The following IL4 variants were observed in gnomAD, a reference collection of about 807,000 sequenced individuals.
IL4 encodes interleukin 4.
IL4 carries 10 observed loss-of-function variants against 17.4 expected under a neutral mutation model. The ratio of observed to expected loss-of-function variants is 0.57; its 90% CI spans 0.35 to 0.97. The LOEUF (loss-of-function observed/expected upper bound fraction) is 0.97, where lower values mean the gene tolerates loss of function less well. Among genes scored for constraint, IL4 ranks in the 50% least tolerant of loss-of-function variants. The pLI is 0.01. For synonymous variants in IL4, 87 were observed against 79.0 expected (o/e 1.10, Z -0.54); for missense variants, 174 against 187.7 (o/e 0.93, Z 0.43).
intron 2 of IL4, among the ~76,000 whole-genome samples, chr5:132,675,793 G>A (rs750667061): frequency 1.2e-4 from 18 of 151,680 alleles, no homozygotes; most frequent in Middle Eastern, 3.2e-3. Context: ...CAAGCAATCC[G>A]TCCACCTCGG....
rs1299491031 is a variant in IL4, at chr5:132,680,290, A to T, written c.360+400A>T. Among the ~76,000 whole-genome samples the T allele has an allele frequency of 6.6e-6, 1 of 152,172 alleles. No individual in the cohort carries two copies. The highest frequency in any genetic ancestry group is 1.5e-5 in the Non-Finnish European group (1 of 68,030). On this transcript the variant is annotated intron_variant, in intron 3 of 3. Transcript: ENST00000231449. This position sits in a 1 kb window ranked among gnomAD's most constrained non-coding sequence, Gnocchi z 4.3. ...ATTGAGGGAGCAGGCCACATGACTA[A>T]CTAGGGAGACCATTCCAGGCAGAAG...
chr5:132,673,994 T>C lies in IL4; in HGVS notation c.-57T>C. ...GATATCTTTGTCAGCATTGCATCGTTAGCTTCTCCTGATAAACTAATTGCC... is the reference window on the plus strand; with the variant it reads ...GATATCTTTGTCAGCATTGCATCGTCAGCTTCTCCTGATAAACTAATTGCC... On this transcript the variant is annotated 5_prime_UTR_variant, in exon 1 of 4. Transcript: ENST00000231449. 1 of 1,540,712 alleles carries C rather than the reference T, an allele frequency of 6.5e-7. No individual in the cohort carries two copies. The highest frequency in any genetic ancestry group is 1.4e-5 in the African/African-American group (1 of 73,006).
chr5:132,678,867 G>T (rs531593848), intron 2 of IL4, among the ~76,000 whole-genome samples: 59 of 152,340 alleles, frequency 3.9e-4, no homozygotes, highest in African/African-American at 1.2e-3. Context: ...CCCTCTCCTG[G>T]GTTCCCAATG....
chr5:132,681,673 A>AAAGAGG (rs1243509169), intron 3 of IL4, among the ~76,000 whole-genome samples: 1 of 152,172 alleles, frequency 6.6e-6, no homozygotes, highest in East Asian at 1.9e-4. Flanking sequence ...AAGAGAGCAG[A>AAAGAGG]AAGAGGAAGA....
At chr5:132,679,140 G>A (rs2243274) in intron 2 of IL4, among the ~76,000 whole-genome samples, 51,250 of 152,072 alleles carry the variant, frequency 0.34, 12,080 homozygotes, top group East Asian at 0.77. Flanking sequence ...CCTCACTTGG[G>A]CCATGTGCTG....
intron 1 of IL4, 115 bp from the exon 2 acceptor site, chr5:132,674,344 A>T (rs1420643207): frequency 8.1e-6 from 11 of 1,357,560 alleles, no homozygotes; most frequent in Admixed American, 1.8e-5. Flanking sequence ...CTTTTTTCTG[A>T]GGGTTTGTAG....
At position 132,677,229 on chromosome 5, in the gene IL4, G is replaced by A. The variant is rs185236541; in HGVS notation, c.184-2485G>A. ...TCCTCAGTGAGGCTGGTCAAGAACC[G>A]AGTTAGAACTCTCACAGAGTCACTG... On this transcript the variant is annotated intron_variant, in intron 2 of 3. Transcript: ENST00000231449. Among the ~76,000 whole-genome samples the A allele has an allele frequency of 8.4e-4, 128 of 152,318 alleles. 1 individual carries two copies. The highest frequency in any genetic ancestry group is 2.8e-3 in the African/African-American group (117 of 41,574).
chr5:132,674,609 C>T (rs769423531), intron 2 of IL4, 103 bp downstream of exon 2: 1 of 881,956 alleles, frequency 1.1e-6, no homozygotes, highest in Non-Finnish European at 1.9e-6. Flanking sequence ...CCCAAATTAA[C>T]TCTAAGGTGT....
Position 132,674,185 on chromosome 5 carries a change from GGTGA to G in IL4, c.135+3_135+6del. 1 of 1,613,932 alleles carries G rather than the reference GGTGA, an allele frequency of 6.2e-7. No homozygotes were observed. The highest frequency in any genetic ancestry group is 8.5e-7 in the Non-Finnish European group (1 of 1,179,816). ...CTTTGAACAGCCTCACAGAGCAGAAGGTGAGTACCTATCTGGCACCATCTCTCCA... is the reference window on the plus strand; with the variant it reads ...CTTTGAACAGCCTCACAGAGCAGAAGGTACCTATCTGGCACCATCTCTCCA... On this transcript the variant is annotated splice_donor_variant and splice_donor_region_variant and intron_variant, in intron 1 of 3. Transcript: ENST00000231449. LOFTEE classifies it high-confidence loss of function.
At chr5:132,677,215 G>T (rs1324218356) in intron 2 of IL4, among the ~76,000 whole-genome samples, 1 of 152,222 alleles carries the variant, frequency 6.6e-6, no homozygotes, top group Non-Finnish European at 1.5e-5. Flanking sequence ...CCTCAGTGAG[G>T]CTGGTCAAGA....
rs772721636 is a variant in IL4 at position 132,674,132 on chromosome 5, G to C, written c.82G>C (p.Asp28His). The change falls in exon 1 of 4, where the codon GAT (aspartate) becomes CAT (histidine). Residue 28 changes from aspartate (D) to histidine (H), a missense_variant. Transcript: ENST00000231449. ...CAACTTTGTCCACGGACACAAGTGC[G>C]ATATCACCTTACAGGAGATCATCAA... ...AGNFVHGHKCDITLQEIIKTL... is the reference protein window; with the variant it reads ...AGNFVHGHKCHITLQEIIKTL... 7 of 1,614,050 alleles carry C rather than the reference G, an allele frequency of 4.3e-6. No homozygotes were observed. The highest frequency in any genetic ancestry group is 5.1e-6 in the Non-Finnish European group (6 of 1,179,946).
chr5:132,674,133 A>G lies in IL4; in HGVS notation c.83A>G (p.Asp28Gly), dbSNP rs770646815. Residue 28 changes from aspartate to glycine, a missense_variant, in exon 1 of 4, where the codon GAT (aspartate) becomes GGT (glycine). Physicochemically the swap from Asp to Gly is moderately conservative, Grantham distance 94. Coordinates refer to ENST00000231449, the MANE Select transcript of IL4 (RefSeq NM_000589.4). ...AGNFVHGHKC[D>G]ITLQEIIKTL... ...AACTTTGTCCACGGACACAAGTGCG[A>G]TATCACCTTACAGGAGATCATCAAA... 2.5e-6 allele frequency: 4 copies of G among 1,614,048 alleles called. No homozygotes were observed. Among genetic ancestry groups the G allele is most frequent in the African/African-American group, 2.7e-5 (2 of 74,918 alleles).
At position 132,674,025 on chromosome 5, in the gene IL4, T is replaced by C. The variant is rs202008069; in HGVS notation, c.-26T>C. On this transcript the variant is annotated 5_prime_UTR_variant, in exon 1 of 4. Coordinates refer to ENST00000231449, the MANE Select transcript of IL4 (RefSeq NM_000589.4). ...CTCCTGATAAACTAATTGCCTCACA[T>C]TGTCACTGCAAATCGACACCTATTA... is the stretch of plus-strand genomic sequence containing the variant. 5.0e-6 allele frequency: 8 copies of C among 1,611,188 alleles called. No homozygotes were observed. Among genetic ancestry groups the C allele is most frequent in the South Asian group, 1.1e-5 (1 of 90,984 alleles).
chr5:132,677,138 T>G (rs1000533509), intron 2 of IL4, among the ~76,000 whole-genome samples: 2 of 152,242 alleles, frequency 1.3e-5, no homozygotes, highest in African/African-American at 4.8e-5. Context: ...TATACAGCAC[T>G]AGCTGACTAT....
rs1374299288 is a variant in IL4, at chr5:132,674,083, G to T, written c.33G>T (p.Leu11=). ...TCACCTCCCAACTGCTTCCCCCTCT[G>T]TTCTTCCTGCTAGCATGTGCCGGCA... The part of the protein sequence containing the change: MGLTSQLLPP[L]FFLLACAGNF... Residue 11 remains leucine (L), a synonymous_variant, in exon 1 of 4, where the codon CTG becomes CTT. Coordinates refer to ENST00000231449, the MANE Select transcript of IL4 (RefSeq NM_000589.4). The T allele has an allele frequency of 6.2e-7, 1 of 1,614,120 alleles. No individual in the cohort carries two copies.
At chr5:132,678,758 A>G (rs1278511236) in intron 2 of IL4, among the ~76,000 whole-genome samples, 1 of 152,186 alleles carries the variant, frequency 6.6e-6, no homozygotes, top group Admixed American at 6.5e-5. Context: ...TGGATAAAGG[A>G]ACTGGGCTCA....
Position 132,679,851 on chromosome 5 carries a change from G to C in IL4, c.321G>C (p.Leu107=). ...FHRHKQLIRF[L]KRLDRNLWGL... ...GGCACAAGCAGCTGATCCGATTCCT[G>C]AAACGGCTCGACAGGAACCTCTGGG... Residue 107 remains leucine (L), a synonymous_variant, in exon 3 of 4, where the codon CTG becomes CTC. Transcript: ENST00000231449. 1 of 1,613,814 alleles carries C rather than the reference G, an allele frequency of 6.2e-7. No homozygotes were observed. The highest frequency in any genetic ancestry group is 8.5e-7 in the Non-Finnish European group (1 of 1,179,932).
intron 2 of IL4, among the ~76,000 whole-genome samples, chr5:132,678,748 T>G (rs532326563): frequency 5.3e-5 from 8 of 152,196 alleles, no homozygotes; most frequent in Non-Finnish European, 8.8e-5. Context: ...TTATCTGAAC[T>G]GGATAAAGGA....
chr5:132,680,238 G>T lies in IL4; in HGVS notation c.360+348G>T, dbSNP rs181905743. Among the ~76,000 whole-genome samples, 201 of 152,288 alleles carry T rather than the reference G, an allele frequency of 1.3e-3. No individual in the cohort carries two copies. Among genetic ancestry groups the T allele is most frequent in the Non-Finnish European group, 2.5e-3 (169 of 68,032 alleles). ...GGGGGAGGGGGCTGACTTAGGAGCTGGTGACATTATCTGAGCAGATATTTG... is the reference window on the plus strand; with the variant it reads ...GGGGGAGGGGGCTGACTTAGGAGCTTGTGACATTATCTGAGCAGATATTTG... On this transcript the variant is annotated intron_variant, in intron 3 of 3. Transcript: ENST00000231449. This position sits in a 1 kb window ranked among gnomAD's most constrained non-coding sequence, Gnocchi z 4.3.
Sources: gnomAD v4.1 joint callset for allele counts (sites outside exome capture counted in the v4.1 genomes callset) on GRCh38, gnomAD v4.1.1 for gene constraint, Gnocchi (gnomAD v3.1) non-coding constraint, MANE v1.5 for transcripts, NCBI Gene and HGNC (gene_info 2026-07-23, HGNC 2026-07-21) for gene names.